Variants in BIRC6 observed in about 807,000 individuals in gnomAD.
The protein encoded by BIRC6 is dual E2 ubiquitin-conjugating enzyme/E3 ubiquitin-protein ligase BIRC6.
In BIRC6, 98 loss-of-function variants were observed where a neutral mutation model predicts 503.3. That is an observed-to-expected ratio of 0.19 (90% CI 0.17 to 0.23). The LOEUF (loss-of-function observed/expected upper bound fraction) is 0.23. BIRC6 is among the 10% of genes least tolerant of loss of function. BIRC6 has a pLI of 1.00. For synonymous variants in BIRC6, 2,240 were observed against 2,078.7 expected (o/e 1.08, Z -2.11); for missense variants, 5,360 against 5,806.0 (o/e 0.92, Z 2.50).
Position 32,477,566 on chromosome 2 carries a change from T to A in BIRC6, c.7051T>A (p.Leu2351Ile), listed in dbSNP as rs757645990. 2 of 1,613,274 alleles carry A rather than the reference T, an allele frequency of 1.2e-6. No homozygotes were observed. The highest frequency in any genetic ancestry group is 1.7e-6 in the Non-Finnish European group (2 of 1,179,358). The change falls in exon 35 of 74, where the codon TTA becomes ATA. Residue 2351 changes from leucine to isoleucine, a missense_variant. Physicochemically the swap from Leu to Ile is conservative, Grantham distance 5 (BLOSUM62 2). Coordinates refer to ENST00000421745, the MANE Select transcript of BIRC6 (RefSeq NM_016252.4). ...GGACTTTACATGTCATGCAGATCTC[T>A]TATTGTTTGTTTGTAAGGTATGTAA... ...SMDFTCHADL[L>I]LFVCKVLARI...
chr2:32,364,445 G>A (rs1414716697), intron 1 of BIRC6, among the ~76,000 whole-genome samples: 3 of 152,126 alleles, frequency 2.0e-5, no homozygotes, highest in South Asian at 4.1e-4. Flanking sequence ...GTTTCACCAT[G>A]TTGGTCAGGC....
At chr2:32,399,522 A>G (rs1288114135) in intron 6 of BIRC6, among the ~76,000 whole-genome samples, 1 of 152,220 alleles carries the variant, frequency 6.6e-6, no homozygotes, top group Non-Finnish European at 1.5e-5. Flanking sequence ...CCTCCTGACT[A>G]ACTGGGACTA....
chr2:32,529,471 A>G (rs2056557393), intron 59 of BIRC6, 180 bp from the exon 60 acceptor site: 6 of 527,010 alleles, frequency 1.1e-5, no homozygotes, highest in Admixed American at 3.8e-5. Flanking sequence ...GTTCATTATT[A>G]TATGTCAGAA....
chr2:32,603,749 C>T (rs1366814174), intron 71 of BIRC6, among the ~76,000 whole-genome samples: 3 of 151,690 alleles, frequency 2.0e-5, no homozygotes, highest in African/African-American at 4.8e-5. Context: ...TAAATAAAAA[C>T]GAAAGGGACA....
Position 32,485,641 on chromosome 2 carries a change from A to G in BIRC6, c.7697-2A>G. The G allele has an allele frequency of 6.3e-7, 1 of 1,598,278 alleles. No homozygotes were observed. The highest frequency in any genetic ancestry group is 1.7e-5 in the Admixed American group (1 of 59,092). On this transcript the variant is annotated splice_acceptor_variant, in intron 39 of 73. Transcript: ENST00000421745. LOFTEE classifies it high-confidence loss of function. ...TCTTTTTCTTTCAATTGCTTTTTGT[A>G]GCCCTGGATGCTCGCCTAGAAGTTG...
chr2:32,377,718 T>G lies in BIRC6; in HGVS notation c.456T>G (p.Thr152=), dbSNP rs370417433. Residue 152 remains threonine, a synonymous_variant, in exon 2 of 74, where the codon ACT becomes ACG. Transcript: ENST00000421745. ...TGTTGTTAGACACTGCTCTGCAAAC[T>G]CCAGTTTCAAAGCAGGATGATGTGG... ...GILLLDTALQ[T]PVSKQDDVVQ... The G allele has an allele frequency of 3.5e-5, 57 of 1,613,546 alleles. No homozygotes were observed. The highest frequency in any genetic ancestry group is 4.7e-5 in the Non-Finnish European group (55 of 1,179,754).
At chr2:32,494,881 C>T (rs901498319) in intron 45 of BIRC6, among the ~76,000 whole-genome samples, 1 of 152,204 alleles carries the variant, frequency 6.6e-6, no homozygotes, top group Non-Finnish European at 1.5e-5. Context: ...TGTGCCACTG[C>T]ACTACAACCT....
At chr2:32,448,590 AG>A (rs943635603) in intron 21 of BIRC6, among the ~76,000 whole-genome samples, 1 of 151,902 alleles carries the variant, frequency 6.6e-6, no homozygotes, top group African/African-American at 2.4e-5. Context: ...CAGTGAGCCG[AG>A]ATCGCAGCAG....
chr2:32,491,549 C>T lies in BIRC6; in HGVS notation c.8331C>T (p.His2777=), dbSNP rs749390274. 1.9e-6 allele frequency: 3 copies of T among 1,613,254 alleles called. No homozygotes were observed. The highest frequency in any genetic ancestry group is 1.7e-5 in the Admixed American group (1 of 59,990). ...SGTSPHGTNQ[H]SPQVGPTATQ... ...CCAGTCCACATGGAACAAATCAACA[C>T]AGTCCACAGGTAATATGATGTTTAG... Residue 2777 remains histidine (H), a synonymous_variant, in exon 44 of 74, where the codon CAC becomes CAT. Transcript: ENST00000421745.
chr2:32,600,027 C>T (rs994292810), intron 70 of BIRC6, 127 bp downstream of exon 70: 1 of 841,086 alleles, frequency 1.2e-6, no homozygotes, highest in Non-Finnish European at 1.8e-6. Flanking sequence ...CTTCTCTTCC[C>T]TACGTCCAGA....
chr2:32,531,667 A>C (rs1316258449), intron 61 of BIRC6, 116 bp downstream of exon 61: 2 of 949,392 alleles, frequency 2.1e-6, no homozygotes, highest in Non-Finnish European at 3.1e-6. Context: ...TTTGCTTTAT[A>C]TTTTTTGAAC....
chr2:32,470,282 C>T lies in BIRC6; in HGVS notation c.6462C>T (p.Pro2154=). 1.9e-6 allele frequency: 3 copies of T among 1,574,558 alleles called. No individual in the cohort carries two copies. Among genetic ancestry groups the T allele is most frequent in the African/African-American group, 2.7e-5 (2 of 74,130 alleles). The stretch of plus-strand genomic sequence containing the variant: ...TGTCACCTCTTCAGCCACAGTTACC[C>T]ATGCATAGGAGGACAGAAGGTATTA... ...NLLSPLQPQL[P]MHRRTEGVLD... The change falls in exon 31 of 74, where the codon CCC becomes CCT. Residue 2154 remains proline (P), a synonymous_variant. Transcript: ENST00000421745.
intron 5 of BIRC6, among the ~76,000 whole-genome samples, chr2:32,393,946 C>A (rs923551342): frequency 2.7e-5 from 4 of 145,608 alleles, no homozygotes; most frequent in Middle Eastern, 3.6e-3. Flanking sequence ...AACCAGAAAA[C>A]TATATATATA....
chr2:32,525,103 T>C, intron 58 of BIRC6, 84 bp downstream of exon 58: 1 of 1,140,352 alleles, frequency 8.8e-7, no homozygotes, highest in South Asian at 2.2e-5. Flanking sequence ...ATTTATGTAA[T>C]ACATTGTACT....
chr2:32,399,568 G>C (rs957186753), intron 6 of BIRC6, among the ~76,000 whole-genome samples: 1 of 152,182 alleles, frequency 6.6e-6, no homozygotes, highest in Admixed American at 6.5e-5. Flanking sequence ...ATGGGTTCTT[G>C]TTTTGGTAGC....
At chr2:32,603,955 C>T (rs1314981150) in intron 71 of BIRC6, among the ~76,000 whole-genome samples, 1 of 151,760 alleles carries the variant, frequency 6.6e-6, no homozygotes, top group South Asian at 2.1e-4. Context: ...TAAGAAAACA[C>T]TTTAGCTTGG....
intron 63 of BIRC6, among the ~76,000 whole-genome samples, chr2:32,546,797 G>C (rs772170067): frequency 6.6e-6 from 1 of 152,006 alleles, no homozygotes; most frequent in Non-Finnish European, 1.5e-5. Flanking sequence ...TGAAATTTTT[G>C]ACTGGGCATG....
In BIRC6 at chr2:32,435,547, A is replaced by G. The variant is rs1247739084; in HGVS notation, c.3461A>G (p.Asn1154Ser). 14 of 1,555,392 alleles carry G rather than the reference A, an allele frequency of 9.0e-6. No individual in the cohort carries two copies. Among genetic ancestry groups the G allele is most frequent in the South Asian group, 1.2e-5 (1 of 84,266 alleles). ...GGGAAACCGTCCCTGGTTGATTTGA[A>G]TGAAGAAATGCAGCACATGGATGTA... is the stretch of plus-strand genomic sequence containing the variant. ...QNGKPSLVDL[N>S]EEMQHMDVEE... The change falls in exon 14 of 74, where the codon AAT (asparagine) becomes AGT (serine). Residue 1154 changes from asparagine (N) to serine (S), a missense_variant. This residue lies in a region of BIRC6 where 2,299 missense variants were observed against 2,267.2 expected (regional missense o/e 1.01). Coordinates refer to ENST00000421745, the MANE Select transcript of BIRC6 (RefSeq NM_016252.4).
At chr2:32,583,741 T>C (rs529711066) in intron 66 of BIRC6, among the ~76,000 whole-genome samples, 1 of 152,308 alleles carries the variant, frequency 6.6e-6, no homozygotes, top group African/African-American at 2.4e-5. Flanking sequence ...GTAATTTTTT[T>C]TCCCCCTGAG....
Sources: gnomAD v4.1 joint callset for allele counts (sites outside exome capture counted in the v4.1 genomes callset) on GRCh38, gnomAD v4.1.1 for gene constraint, gnomAD v4.1.1 regional missense constraint, MANE v1.5 for transcripts, NCBI Gene and HGNC (gene_info 2026-07-23, HGNC 2026-07-21) for gene names.